Variants in AGRN observed in about 807,000 individuals in gnomAD.
AGRN encodes the protein agrin, also known as agrin proteoglycan.
A neutral mutation model predicts 211.0 loss-of-function variants in AGRN; 106 were observed. The ratio of observed to expected loss-of-function variants is 0.50; its 90% CI spans 0.43 to 0.59. AGRN has a LOEUF of 0.59. Among genes scored for constraint, AGRN ranks in the 20% least tolerant of loss-of-function variants. The pLI is 0.00. For missense variants in AGRN, 3,040 were observed against 2,982.6 expected, an observed-to-expected ratio of 1.02 and a Z score of -0.45; for synonymous variants, 1,525 against 1,332.5, an observed-to-expected ratio of 1.14 and a Z score of -3.15.
chr1:1,046,253 G>A lies in AGRN; in HGVS notation c.2899G>A (p.Gly967Ser). 1 of 1,613,470 alleles carries A rather than the reference G, an allele frequency of 6.2e-7. No homozygotes were observed. The highest frequency in any genetic ancestry group is 8.5e-7 in the Non-Finnish European group (1 of 1,179,996). ...QGLQISIQSL[G>S]PCQEAVAPST... is the part of the protein sequence containing the mutation. ...CCTGCAAATCTCTATCCAGAGCCTG[G>A]GCCCGTGCCAGGGTGAGGCCTGACG... Residue 967 changes from glycine to serine, a missense_variant, in exon 17 of 36, where the codon GGC becomes AGC. Around this residue, in one of 3 missense-constraint regions of AGRN, gnomAD observed 1,498 missense variants for 1,457.8 expected, o/e 1.03. Transcript: ENST00000379370.
At chr1:1,045,093 A>G in intron 12 of AGRN, 68 bp from the exon 13 acceptor site, 1 of 1,530,966 alleles carries the variant, frequency 6.5e-7, no homozygotes, top group South Asian at 1.1e-5. Flanking sequence ...AGGTGGAGGC[A>G]GACTGGCTGG....
chr1:1,044,045 A>G, intron 10 of AGRN, 22 bp downstream of exon 10: 1 of 1,611,928 alleles, frequency 6.2e-7, no homozygotes, highest in Non-Finnish European at 8.5e-7. Flanking sequence ...GACGCTGGCG[A>G]AAACTGCTGG....
At position 1,049,877 on chromosome 1, in the gene AGRN, T is replaced by C. The variant is rs1557718328; in HGVS notation, c.4745-26T>C. The C allele has an allele frequency of 1.4e-5, 23 of 1,611,404 alleles. No homozygotes were observed. In the East Asian group the frequency reaches 5.1e-4, roughly 36 times the overall value. ...CAACCGACGCCTCCTGGGACCTCGG[T>C]CCCGGTCCCGTCTTCCTCCATCCAG... On this transcript the variant is annotated intron_variant, in intron 26 of 35. Transcript: ENST00000379370.
chr1:1,049,175 CAGGT>C (rs1645197468), intron 24 of AGRN, 57 bp from the exon 25 acceptor site: 16 of 1,329,840 alleles, frequency 1.2e-5, no homozygotes, highest in African/African-American at 2.0e-5. Flanking sequence ...CGGGGCAGCT[CAGGT>C]AGGCGGGGTG....
intron 19 of AGRN, 126 bp from the exon 20 acceptor site, chr1:1,047,201 C>A: frequency 6.8e-7 from 1 of 1,469,854 alleles, no homozygotes; most frequent in Admixed American, 2.4e-5. Flanking sequence ...CCCCACTAAC[C>A]TCATGACCAT....
At chr1:1,023,491 G>A (rs749551605) in intron 2 of AGRN, among the ~76,000 whole-genome samples, 3 of 152,160 alleles carry the variant, frequency 2.0e-5, no homozygotes, top group Non-Finnish European at 4.4e-5. Flanking sequence ...CCCACTGGGA[G>A]GACATGATAA....
intron 21 of AGRN, 23 bp downstream of exon 21, chr1:1,047,710 T>C (rs1408524628): frequency 6.2e-7 from 1 of 1,612,740 alleles, no homozygotes; most frequent in African/African-American, 1.3e-5. Context: ...CCCTGGACCC[T>C]TCCTGGGAGG....
At position 1,050,596 on chromosome 1, in the gene AGRN, G is replaced by T. The variant is rs778508611; in HGVS notation, c.5141+5G>T. The T allele has an allele frequency of 1.9e-5, 30 of 1,607,676 alleles. No individual in the cohort carries two copies. Among genetic ancestry groups the T allele is most frequent in the Non-Finnish European group, 2.4e-5 (28 of 1,177,212 alleles). ...CAAGGGGGCAGCGGTCATCAGGTGG[G>T]CCGGCAAGGGTGGCTCTGGGAGGCC... is the stretch of plus-strand genomic sequence containing the variant. On this transcript the variant is annotated splice_donor_5th_base_variant and intron_variant, in intron 29 of 35. Transcript: ENST00000379370.
intron 2 of AGRN, chr1:1,034,958 C>T (rs1644765791): frequency 4.2e-6 from 2 of 480,066 alleles, no homozygotes; most frequent in South Asian, 2.9e-5. Flanking sequence ...TGAGAGCCGG[C>T]AGTTGGGGGT....
In AGRN at chr1:1,051,607, T is replaced by C. The variant is rs1337719632; in HGVS notation, c.5525T>C (p.Leu1842Pro). Residue 1842 changes from leucine (L) to proline (P), a missense_variant, in exon 32 of 36, where the codon CTG becomes CCG. Around this residue, in one of 3 missense-constraint regions of AGRN, gnomAD observed 1,537 missense variants for 1,505.0 expected, o/e 1.02. Coordinates refer to ENST00000379370, the MANE Select transcript of AGRN (RefSeq NM_198576.4). ...CCGAGGGAGGCTGCCTATGTGTGCC[T>C]GTGTCCCGGGGGATTCTCAGGACCG... ...CVPREAAYVC[L>P]CPGGFSGPHC... The C allele has an allele frequency of 6.2e-7, 1 of 1,608,216 alleles. No homozygotes were observed. The highest frequency in any genetic ancestry group is 8.5e-7 in the Non-Finnish European group (1 of 1,176,756).
chr1:1,021,600 G>A (rs1644407610), intron 1 of AGRN, among the ~76,000 whole-genome samples: 1 of 152,268 alleles, frequency 6.6e-6, no homozygotes, highest in Non-Finnish European at 1.5e-5. Flanking sequence ...GTCGGCTGTA[G>A]CCTTTACCAC....
chr1:1,035,138 C>T (rs1212217394), intron 2 of AGRN, 139 bp from the exon 3 acceptor site: 4 of 1,014,684 alleles, frequency 3.9e-6, no homozygotes, highest in Non-Finnish European at 6.1e-6. Flanking sequence ...GGGCTGGACC[C>T]TTCAGCAGCC....
Position 1,049,983 on chromosome 1 carries a change from G to T in AGRN, c.4825G>T (p.Gly1609Cys). The change falls in exon 27 of 36, where the codon GGT (glycine) becomes TGT (cysteine). Residue 1609 changes from glycine (G) to cysteine (C), a missense_variant. Physicochemically the swap from Gly to Cys is radical, Grantham distance 159. Transcript: ENST00000379370. ...GGCGCCCTGCCGTGTGCTGCCCGAG[G>T]GTGGTGCTCAGTGCGAGTGCCCCCT... is the stretch of plus-strand genomic sequence containing the variant. ...GAAPCRVLPE[G>C]GAQCECPLGR... 6.2e-7 allele frequency: 1 copy of T among 1,612,154 alleles called. No individual in the cohort carries two copies. The highest frequency in any genetic ancestry group is 8.5e-7 in the Non-Finnish European group (1 of 1,179,816).
intron 33 of AGRN, chr1:1,053,132 C>G: frequency 3.6e-6 from 1 of 278,074 alleles, no homozygotes; most frequent in East Asian, 1.1e-4. Context: ...TACCACCCTA[C>G]GCCTACCTCC....
intron 28 of AGRN, 41 bp from the exon 29 acceptor site, chr1:1,050,386 G>T: frequency 6.2e-7 from 1 of 1,612,802 alleles, no homozygotes; most frequent in Non-Finnish European, 8.5e-7. Flanking sequence ...TCTCCTGTGG[G>T]GAGGGGACAG....
chr1:1,030,633 A>T (rs1244347475), intron 2 of AGRN, among the ~76,000 whole-genome samples: 12 of 2,646 alleles, frequency 4.5e-3, no homozygotes, highest in Non-Finnish European at 9.0e-3. Context: ...CATGGTGCTG[A>T]GTGTGAGATC....
chr1:1,049,639 C>T lies in AGRN; in HGVS notation c.4588C>T (p.Leu1530=), dbSNP rs772305822. 4 of 1,587,794 alleles carry T rather than the reference C, an allele frequency of 2.5e-6. No individual in the cohort carries two copies. The highest frequency in any genetic ancestry group is 1.8e-5 in the Admixed American group (1 of 55,630). The change falls in exon 26 of 36, where the codon CTG becomes TTG. Residue 1530 remains leucine, a synonymous_variant. Transcript: ENST00000379370. ...IRLLDVNNQR[L]ELGIGPGAAT... ...TTTGCTGGACGTCAACAACCAGCGC[C>T]TGGAGCTTGGCATTGGGCCGGGGGC...
At position 1,041,511 on chromosome 1, in the gene AGRN, G is replaced by T; in HGVS notation, c.986G>T (p.Arg329Leu). The T allele has an allele frequency of 1.9e-6, 3 of 1,599,998 alleles. No homozygotes were observed. The highest frequency in any genetic ancestry group is 2.5e-6 in the Non-Finnish European group (3 of 1,178,454). Residue 329 changes from arginine to leucine, a missense_variant, in exon 6 of 36, where the codon CGC becomes CTC. By Grantham distance (102) the Arg-to-Leu change is moderately radical. This residue lies in a region of AGRN where 1,498 missense variants were observed against 1,457.8 expected (regional missense o/e 1.03). Transcript: ENST00000379370. ...CAGGGCGCCCTCCCTGACCCGAGCC[G>T]CAGCTGCCGTGTGAACCCGCGCACG... The part of the protein sequence containing the change: ...PCQGALPDPS[R>L]SCRVNPRTRR...
intron 2 of AGRN, chr1:1,033,991 T>A: frequency 2.3e-6 from 1 of 444,070 alleles, no homozygotes; most frequent in Non-Finnish European, 3.0e-6. Flanking sequence ...TCTTCGCCCC[T>A]CACTCACCTC....
Sources: allele counts gnomAD v4.1 joint callset (sites outside exome capture counted in the v4.1 genomes callset), GRCh38; gene constraint gnomAD v4.1.1; regional missense constraint gnomAD v4.1.1; transcripts MANE v1.5; gene names NCBI Gene and HGNC (gene_info 2026-07-23, HGNC 2026-07-21).